Variants in GARNL3 observed in about 807,000 individuals in gnomAD.
GARNL3 encodes GTPase-activating Rap/Ran-GAP domain-like protein 3.
In GARNL3, 63 loss-of-function variants were observed where a neutral mutation model predicts 125.0. The observed-to-expected ratio is 0.50, with a 90% CI of 0.41 to 0.62. The LOEUF is 0.62. GARNL3 is among the 20% of genes least tolerant of loss of function. The pLI is 0.00. For missense variants in GARNL3, 994 were observed against 1,244.0 expected (o/e 0.80, Z 3.02); for synonymous variants, 439 against 457.5 (o/e 0.96, Z 0.52).
In GARNL3 at chr9:127,342,251, C is replaced by T. The variant is rs1284232651; in HGVS notation, c.1168C>T (p.Pro390Ser). 2 of 1,613,668 alleles carry T rather than the reference C, an allele frequency of 1.2e-6. No individual in the cohort carries two copies. The highest frequency in any genetic ancestry group is 1.7e-6 in the Non-Finnish European group (2 of 1,179,744). Residue 390 changes from proline (P) to serine (S), a missense_variant, in exon 14 of 28, where the codon CCA (proline) becomes TCA (serine). Physicochemically the swap from Pro to Ser is moderately conservative, Grantham distance 74. Around this residue, in one of 5 missense-constraint regions of GARNL3, gnomAD observed 728 missense variants for 865.7 expected, o/e 0.84. Coordinates refer to ENST00000373387, the MANE Select transcript of GARNL3 (RefSeq NM_032293.5). ...INGEKATLETPTFAQKRRRTL... is the reference protein window; with the variant it reads ...INGEKATLETSTFAQKRRRTL... ...TGGTGAAAAAGCCACTTTGGAAACC[C>T]CAACATTTGCCCAGAAACGTCGGCG...
At chr9:127,350,571 G>A (rs547288130) in intron 17 of GARNL3, among the ~76,000 whole-genome samples, 8 of 152,002 alleles carry the variant, frequency 5.3e-5, no homozygotes, top group South Asian at 2.1e-4. Context: ...TCAGGTGTTC[G>A]AGACCAGCTT....
chr9:127,376,523 C>T (rs1323746460), intron 22 of GARNL3, among the ~76,000 whole-genome samples: 5 of 152,086 alleles, frequency 3.3e-5, no homozygotes, highest in Non-Finnish European at 5.9e-5. Flanking sequence ...GGGCCAGCCT[C>T]TTAACATTTT....
intron 22 of GARNL3, among the ~76,000 whole-genome samples, chr9:127,372,391 T>C (rs927993738): frequency 6.6e-6 from 1 of 152,210 alleles, no homozygotes; most frequent in Non-Finnish European, 1.5e-5. Context: ...CTGTAGGAGA[T>C]AATGATAATA....
intron 2 of GARNL3, among the ~76,000 whole-genome samples, chr9:127,295,210 C>A (rs910944392): frequency 6.6e-6 from 1 of 152,222 alleles, no homozygotes; most frequent in Non-Finnish European, 1.5e-5. Context: ...TACTTACATG[C>A]CACAGGCATG....
At chr9:127,302,028 C>T (rs971181899) in intron 2 of GARNL3, among the ~76,000 whole-genome samples, 2 of 149,534 alleles carry the variant, frequency 1.3e-5, no homozygotes, top group Admixed American at 6.7e-5. Flanking sequence ...CTGCAAGCTC[C>T]GCCTCCTGGG....
In GARNL3 at chr9:127,385,570, C is replaced by A. The variant is rs1832502405; in HGVS notation, c.2388+425C>A. Among the ~76,000 whole-genome samples, 1 of 152,188 alleles carries A rather than the reference C, an allele frequency of 6.6e-6. No individual in the cohort carries two copies. Among genetic ancestry groups the A allele is most frequent in the South Asian group, 2.1e-4 (1 of 4,836 alleles). On this transcript the variant is annotated intron_variant, in intron 24 of 27. Transcript: ENST00000373387. The surrounding 1 kb of genome is among the most constrained non-coding windows in gnomAD (Gnocchi z 4.1). The stretch of plus-strand genomic sequence containing the variant: ...TGAAACATGGCTAATTGATTAATCC[C>A]TGCCTCATAACCCACAGCTAGGGCA...
At chr9:127,287,003 C>G (rs765592272) in intron 1 of GARNL3, among the ~76,000 whole-genome samples, 1 of 152,166 alleles carries the variant, frequency 6.6e-6, no homozygotes, top group Non-Finnish European at 1.5e-5. Flanking sequence ...CCAGATCCCT[C>G]TGGTCATTGG....
At chr9:127,258,035 A>G (rs1229148796) in intron 2 of GARNL3, among the ~76,000 whole-genome samples, 3 of 152,092 alleles carry the variant, frequency 2.0e-5, no homozygotes, top group Non-Finnish European at 2.9e-5. Flanking sequence ...CTCAGAGAGG[A>G]TAAGTAACTT....
At position 127,319,984 on chromosome 9, in the gene GARNL3, AAG is replaced by A. The variant is rs2065351284; in HGVS notation, c.504-729_504-728del. ...AAAAGATTTTATCTTCTTTTGTTAC[AAG>A]AATGAACTTGAAAACTTAAAAGGAA... On this transcript the variant is annotated intron_variant, in intron 5 of 27. Transcript: ENST00000373387. Among the ~76,000 whole-genome samples the A allele has an allele frequency of 2.6e-5, 4 of 152,236 alleles. No individual in the cohort carries two copies. In the South Asian group the frequency reaches 8.3e-4, roughly 31 times the overall value.
chr9:127,359,311 G>A (rs751433766), intron 21 of GARNL3, among the ~76,000 whole-genome samples: 30 of 152,170 alleles, frequency 2.0e-4, no homozygotes, highest in Non-Finnish European at 3.2e-4. Context: ...CCAACATGGC[G>A]AAACCCCATC....
intron 22 of GARNL3, among the ~76,000 whole-genome samples, chr9:127,376,800 A>G (rs1339807060): frequency 2.0e-5 from 3 of 152,358 alleles, no homozygotes; most frequent in African/African-American, 7.2e-5. Context: ...CAGTAAGTAT[A>G]GAAGATATTG....
rs1161629810 is a variant in GARNL3 at position 127,231,050 on chromosome 9, A to ATATATAT, written c.-29+6713_-29+6714insATATATT. Among the ~76,000 whole-genome samples the ATATATAT allele has an allele frequency of 2.2e-3, 196 of 89,568 alleles. 10 individuals are homozygous for ATATATAT. The highest frequency in any genetic ancestry group is 0.015 in the African/African-American group (185 of 12,614). 58.8% of individuals were successfully genotyped at this position (89,568 alleles called of 152,430 possible). ...TGTATATATACATATATATATATAT[A>ATATATAT]TTTTTTTTTTTTTTTTTTTTTTGAG... On this transcript the variant is annotated intron_variant, in intron 1 of 10. Transcript: ENST00000439286.
At chr9:127,331,801 A>G (rs1207665349) in intron 7 of GARNL3, among the ~76,000 whole-genome samples, 1 of 146,472 alleles carries the variant, frequency 6.8e-6, no homozygotes, top group Non-Finnish European at 1.5e-5. Flanking sequence ...AGCTTTTAGT[A>G]TAAATTGCCT....
rs768336536 is a variant in GARNL3 at position 127,320,711 on chromosome 9, T to G, written c.504-4T>G. Reference sequence around the variant, plus strand: ...TGCAGCTCATCCTGTCCATTCTATTTCAGTGCCATGAATCTGGACAAATTT... The same window carrying G: ...TGCAGCTCATCCTGTCCATTCTATTGCAGTGCCATGAATCTGGACAAATTT... On this transcript the variant is annotated splice_polypyrimidine_tract_variant and splice_region_variant and intron_variant, in intron 5 of 27. Coordinates refer to ENST00000373387, the MANE Select transcript of GARNL3 (RefSeq NM_032293.5). The G allele has an allele frequency of 3.6e-5, 58 of 1,609,174 alleles. No individual in the cohort carries two copies. Among genetic ancestry groups the G allele is most frequent in the Non-Finnish European group, 4.3e-5 (50 of 1,175,730 alleles).
chr9:127,313,493 C>T lies in GARNL3; in HGVS notation c.372C>T (p.Ser124=), dbSNP rs143970041. Reference sequence around the variant, plus strand: ...CCGAGAAGAGCCCTTTCTTCTTGTCCGTGACCCTTTCTGACCAAAACAATC... The same window carrying T: ...CCGAGAAGAGCCCTTTCTTCTTGTCTGTGACCCTTTCTGACCAAAACAATC... ...NDAEKSPFFL[S]VTLSDQNNQR... Residue 124 remains serine, a synonymous_variant, in exon 4 of 28, where the codon TCC becomes TCT. Transcript: ENST00000373387. 2.7e-5 allele frequency: 43 copies of T among 1,613,990 alleles called. 1 individual carries two copies. The highest frequency in any genetic ancestry group is 3.6e-5 in the Non-Finnish European group (42 of 1,179,966).
Position 127,368,333 on chromosome 9 carries a change from T to C in GARNL3, c.2161+2967T>C, listed in dbSNP as rs570266625. Among the ~76,000 whole-genome samples the C allele has an allele frequency of 5.4e-5, 8 of 147,968 alleles. No homozygotes were observed. In the South Asian group the frequency reaches 1.7e-3, roughly 31 times the overall value. ...AGGTCAGGTCCAAAATACATTTCTT[T>C]TTTTTTTTTTTTTTCCAGATAGAGT... On this transcript the variant is annotated intron_variant, in intron 22 of 27. Transcript: ENST00000373387.
upstream of GARNL3, among the ~76,000 whole-genome samples, chr9:127,259,262 T>C (rs1358952650): frequency 6.6e-6 from 1 of 152,186 alleles, no homozygotes; most frequent in East Asian, 1.9e-4. Flanking sequence ...AAATCTTTGC[T>C]CTCATCCCAG....
At chr9:127,296,976 C>T (rs898473612) in intron 2 of GARNL3, among the ~76,000 whole-genome samples, 1 of 152,066 alleles carries the variant, frequency 6.6e-6, no homozygotes, top group African/African-American at 2.4e-5. Flanking sequence ...TCCTGTCACC[C>T]TTATCACTCA....
Position 127,392,965 on chromosome 9 carries a change from A to T in GARNL3, c.2871-118A>T. 1 of 787,216 alleles carries T rather than the reference A, an allele frequency of 1.3e-6. No homozygotes were observed. The highest frequency in any genetic ancestry group is 2.1e-6 in the Non-Finnish European group (1 of 484,066). 48.8% of individuals were successfully genotyped at this position (787,216 alleles called of 1,614,324 possible). ...CACTTCCCCACCTCTACCACATAAC[A>T]GTGAGGGTTTGGTGAGCCAAACTCA... is the stretch of plus-strand genomic sequence containing the variant. On this transcript the variant is annotated intron_variant, in intron 27 of 27. Coordinates refer to ENST00000373387, the MANE Select transcript of GARNL3 (RefSeq NM_032293.5). The surrounding 1 kb of genome is among the most constrained non-coding windows in gnomAD (Gnocchi z 5.2).
Sources: gnomAD v4.1 joint callset for allele counts (sites outside exome capture counted in the v4.1 genomes callset) on GRCh38, gnomAD v4.1.1 for gene constraint, gnomAD v4.1.1 regional missense constraint, Gnocchi (gnomAD v3.1) non-coding constraint, MANE v1.5 for transcripts, NCBI Gene and HGNC (gene_info 2026-07-23, HGNC 2026-07-21) for gene names.